The following SIPA1L1 variants were observed in gnomAD, a reference collection of about 807,000 sequenced individuals.
SIPA1L1 encodes signal induced proliferation associated 1 like 1, also known as signal-induced proliferation-associated 1-like protein 1.
Under a neutral mutation model 162.7 loss-of-function variants are expected in SIPA1L1, and 26 were observed. That is an observed-to-expected ratio of 0.16 (90% CI 0.12 to 0.22). The LOEUF is 0.22. Among genes scored for constraint, SIPA1L1 ranks in the 10% least tolerant of loss-of-function variants. SIPA1L1 has a pLI of 1.00. For synonymous variants in SIPA1L1, 829 were observed against 837.4 expected (o/e 0.99, Z 0.17); for missense variants, 1,874 against 2,241.0 (o/e 0.84, Z 3.31).
intron 10 of SIPA1L1, among the ~76,000 whole-genome samples, chr14:71,670,309 G>T (rs2044392392): frequency 6.6e-6 from 1 of 151,992 alleles, no homozygotes; most frequent in Admixed American, 6.6e-5. Context: ...CTTTTCTTAG[G>T]CCCAATTTTA....
At chr14:71,534,713 A>G (rs1458035612) in intron 4 of SIPA1L1, among the ~76,000 whole-genome samples, 1 of 152,176 alleles carries the variant, frequency 6.6e-6, no homozygotes, top group African/African-American at 2.4e-5. Context: ...CTATCTGAAT[A>G]TTTGGCTCCC....
At chr14:71,393,873 T>G (rs1218929457) in intron 2 of SIPA1L1, among the ~76,000 whole-genome samples, 1 of 152,214 alleles carries the variant, frequency 6.6e-6, no homozygotes, top group Non-Finnish European at 1.5e-5. Flanking sequence ...AGTGGTCTGG[T>G]TATCCAGGGC....
At chr14:71,339,120 C>T (rs1041493014) in intron 2 of SIPA1L1, among the ~76,000 whole-genome samples, 14 of 152,152 alleles carry the variant, frequency 9.2e-5, no homozygotes, top group African/African-American at 3.4e-4. Flanking sequence ...AGCATAGAGT[C>T]AAGGGAGTAA....
intron 4 of SIPA1L1, among the ~76,000 whole-genome samples, chr14:71,535,708 T>C (rs2053836149): frequency 6.6e-6 from 1 of 151,868 alleles, no homozygotes; most frequent in Non-Finnish European, 1.5e-5. Context: ...GCCTCCCAGG[T>C]TCAAGCAGTT....
chr14:71,424,494 G>A (rs1236544073), intron 2 of SIPA1L1, among the ~76,000 whole-genome samples: 2 of 152,050 alleles, frequency 1.3e-5, no homozygotes, highest in Non-Finnish European at 2.9e-5. Flanking sequence ...AAAGGGTGTT[G>A]AATTTTAACA....
intron 17 of SIPA1L1, among the ~76,000 whole-genome samples, chr14:71,721,318 C>T (rs1195894589): frequency 1.3e-5 from 2 of 152,136 alleles, no homozygotes; most frequent in Non-Finnish European, 2.9e-5. Context: ...GCTGGGTTGC[C>T]TAGAGTTGGG....
intron 8 of SIPA1L1, among the ~76,000 whole-genome samples, chr14:71,653,640 C>T (rs1175396426): frequency 6.6e-6 from 1 of 152,122 alleles, no homozygotes; most frequent in African/African-American, 2.4e-5. Context: ...TCCAAGGCTG[C>T]CTGTTCTCCA....
chr14:71,559,808 C>T (rs1200754283), intron 4 of SIPA1L1, among the ~76,000 whole-genome samples: 9 of 146,334 alleles, frequency 6.2e-5, no homozygotes, highest in Non-Finnish European at 1.0e-4. Context: ...AAGTTTATTC[C>T]CATTCAAAGT....
chr14:71,532,102 T>C (rs2053501341), intron 4 of SIPA1L1, among the ~76,000 whole-genome samples: 1 of 152,204 alleles, frequency 6.6e-6, no homozygotes, highest in Non-Finnish European at 1.5e-5. Flanking sequence ...CCCCTTTAAT[T>C]TATACATATT....
chr14:71,718,574 C>G (rs1046458468), intron 17 of SIPA1L1, among the ~76,000 whole-genome samples: 5 of 152,180 alleles, frequency 3.3e-5, no homozygotes, highest in Non-Finnish European at 2.9e-5. Context: ...CGCTTAAGCC[C>G]AGGAGGCTGA....
chr14:71,431,503 G>A (rs2140962959), intron 2 of SIPA1L1, among the ~76,000 whole-genome samples: 1 of 151,880 alleles, frequency 6.6e-6, no homozygotes, highest in Non-Finnish European at 1.5e-5. Context: ...GACCAGCCTG[G>A]GCAACATCGT....
intron 5 of SIPA1L1, among the ~76,000 whole-genome samples, chr14:71,597,738 T>C (rs990060440): frequency 1.3e-5 from 2 of 152,170 alleles, no homozygotes; most frequent in East Asian, 3.9e-4. Context: ...ACTCTTCCTT[T>C]CCTCTCTTGC....
intron 4 of SIPA1L1, among the ~76,000 whole-genome samples, chr14:71,555,730 T>C (rs531057237): frequency 6.6e-6 from 1 of 152,330 alleles, no homozygotes; most frequent in Admixed American, 6.5e-5. Context: ...CTTTCAAGTT[T>C]CGCTTGAACT....
chr14:71,332,634 T>C (rs949757555), intron 2 of SIPA1L1, among the ~76,000 whole-genome samples: 43 of 152,150 alleles, frequency 2.8e-4, no homozygotes, highest in Non-Finnish European at 1.2e-4. Context: ...TTTCTTCTAC[T>C]CCCACACCCA....
At chr14:71,359,514 G>T (rs1566929223) in intron 2 of SIPA1L1, among the ~76,000 whole-genome samples, 1 of 152,134 alleles carries the variant, frequency 6.6e-6, no homozygotes, top group South Asian at 2.1e-4. Flanking sequence ...AGGGACTTTT[G>T]TCTGTTTATA....
chr14:71,653,646 C>T (rs8003478), intron 8 of SIPA1L1, among the ~76,000 whole-genome samples: 209 of 152,212 alleles, frequency 1.4e-3, no homozygotes, highest in Non-Finnish European at 2.5e-3. Context: ...GCTGCCTGTT[C>T]TCCAATGTCT....
At chr14:71,594,180 A>G (rs897065816) in intron 5 of SIPA1L1, among the ~76,000 whole-genome samples, 2 of 152,180 alleles carry the variant, frequency 1.3e-5, no homozygotes, top group African/African-American at 4.8e-5. Context: ...GTAATCAGCC[A>G]TCTTTAACAT....
chr14:71,661,550 G>T (rs980378780), intron 10 of SIPA1L1, 83 bp downstream of exon 10: 1 of 1,411,768 alleles, frequency 7.1e-7, no homozygotes. Flanking sequence ...GCATTCTAAA[G>T]TGGCAATGGG....
chr14:71,376,701 A>G (rs1040075574), intron 2 of SIPA1L1, among the ~76,000 whole-genome samples: 1 of 152,070 alleles, frequency 6.6e-6, no homozygotes, highest in African/African-American at 2.4e-5. Context: ...TCCTAGGCAG[A>G]GGACCCTGCG....
Sources: allele counts gnomAD v4.1 joint callset (sites outside exome capture counted in the v4.1 genomes callset), GRCh38; gene constraint gnomAD v4.1.1; transcripts MANE v1.5; gene names NCBI Gene and HGNC (gene_info 2026-07-23, HGNC 2026-07-21).